The following PRKG1 variants were observed in gnomAD, a reference collection of about 807,000 sequenced individuals.
PRKG1 encodes the protein protein kinase cGMP-dependent 1.
PRKG1 carries 35 observed loss-of-function variants against 88.1 expected under a neutral mutation model. That is an observed-to-expected ratio of 0.40 (90% CI 0.30 to 0.53). PRKG1 has a LOEUF of 0.53. Among genes scored for constraint, PRKG1 ranks in the 20% least tolerant of loss-of-function variants. PRKG1 has a pLI of 0.59. For missense variants in PRKG1, 540 were observed against 839.8 expected (o/e 0.64, Z 4.41); for synonymous variants, 303 against 292.5 (o/e 1.04, Z -0.37).
At chr10:51,475,559 A>G (rs1277496292) in intron 3 of PRKG1, among the ~76,000 whole-genome samples, 1 of 152,064 alleles carries the variant, frequency 6.6e-6, no homozygotes, top group Non-Finnish European at 1.5e-5. Flanking sequence ...AGTCAGTGTT[A>G]TTATTGGCAT....
intron 4 of PRKG1, among the ~76,000 whole-genome samples, chr10:51,835,459 T>C (rs918493687): frequency 1.3e-5 from 2 of 152,234 alleles, no homozygotes; most frequent in African/African-American, 2.4e-5. Flanking sequence ...AGTTTGCTAT[T>C]AACAGTTGTA....
At chr10:51,655,619 C>T (rs1296379723) in intron 3 of PRKG1, among the ~76,000 whole-genome samples, 2 of 151,818 alleles carry the variant, frequency 1.3e-5, no homozygotes, top group Non-Finnish European at 2.9e-5. Context: ...ACTTTTAAGC[C>T]CTCTATGACT....
intron 7 of PRKG1, among the ~76,000 whole-genome samples, chr10:52,125,459 A>G (rs1847910155): frequency 2.0e-5 from 3 of 152,128 alleles, no homozygotes; most frequent in African/African-American, 7.2e-5. Flanking sequence ...ATCTGATTGC[A>G]TGCTATTTGA....
rs966888510 is a variant in PRKG1, at chr10:51,626,461, T to A, written c.592+158625T>A. 4.7e-4 allele frequency among the ~76,000 whole-genome samples: 71 copies of A among 152,344 alleles called. 1 individual carries two copies. Among genetic ancestry groups the A allele is most frequent in the African/African-American group, 1.2e-3 (48 of 41,588 alleles). On this transcript the variant is annotated intron_variant, in intron 3 of 17. Coordinates refer to ENST00000373980, the MANE Select transcript of PRKG1 (RefSeq NM_006258.4). The stretch of plus-strand genomic sequence containing the variant: ...GAAACACATTTCTATTTCATTTTTT[T>A]AAAATAATCGTTGAAAGTTATTTTT...
chr10:51,191,390 AAT>A (rs1230632446), intron 2 of PRKG1, among the ~76,000 whole-genome samples: 4 of 151,840 alleles, frequency 2.6e-5, no homozygotes, highest in Non-Finnish European at 5.9e-5. Context: ...AGAAAAGTGA[AAT>A]AGTGCTTACC....
chr10:51,369,856 A>G (rs1003527454), intron 2 of PRKG1, among the ~76,000 whole-genome samples: 1 of 152,142 alleles, frequency 6.6e-6, no homozygotes, highest in Non-Finnish European at 1.5e-5. Flanking sequence ...CCCATGAAAA[A>G]TATCCATCTA....
At chr10:51,642,730 A>T (rs1381567226) in intron 3 of PRKG1, among the ~76,000 whole-genome samples, 1 of 152,214 alleles carries the variant, frequency 6.6e-6, no homozygotes, top group Non-Finnish European at 1.5e-5. Context: ...TCTCCTAAGA[A>T]TAATTAACAA....
chr10:51,110,139 T>G (rs1477880941), intron 1 of PRKG1, among the ~76,000 whole-genome samples: 1 of 152,108 alleles, frequency 6.6e-6, no homozygotes, highest in Non-Finnish European at 1.5e-5. Flanking sequence ...TTTGACAGTT[T>G]CTTTTTTTAA....
chr10:50,991,325 C>CCA lies in PRKG1; in HGVS notation c.-54_-53insCA. Reference sequence around the variant, plus strand: ...CTGCCGTCCCAGCCGCCGCCGCCGCCGCCGCCGCCGCCGCCGCCCGAGAAA... The same window carrying CCA: ...CTGCCGTCCCAGCCGCCGCCGCCGCCCAGCCGCCGCCGCCGCCGCCCGAGAAA... On this transcript the variant is annotated 5_prime_UTR_variant, in exon 1 of 18. Coordinates refer to the PRKG1 transcript ENST00000401604. This position sits in a 1 kb window ranked among gnomAD's most constrained non-coding sequence, Gnocchi z 4.5. 1 of 1,483,792 alleles carries CCA rather than the reference C, an allele frequency of 6.7e-7. No homozygotes were observed. The highest frequency in any genetic ancestry group is 8.9e-7 in the Non-Finnish European group (1 of 1,118,708). The allele number at this position is 1,483,792 out of a possible 1,614,324, so 91.9% of individuals were successfully genotyped here.
intron 2 of PRKG1, among the ~76,000 whole-genome samples, chr10:51,419,448 T>C (rs570453034): frequency 8.3e-4 from 127 of 152,278 alleles, no homozygotes; most frequent in African/African-American, 2.9e-3. Context: ...ATTATTGCAT[T>C]TCAACATTTA....
chr10:51,627,925 CCTTT>C (rs1839385057), intron 3 of PRKG1, among the ~76,000 whole-genome samples: 3 of 37,242 alleles, frequency 8.1e-5, no homozygotes, highest in African/African-American at 1.2e-4. Context: ...TCCTTCCCTT[CCTTT>C]CTTCCTTCCT....
chr10:51,553,169 T>C (rs780451447), intron 3 of PRKG1, among the ~76,000 whole-genome samples: 10 of 151,696 alleles, frequency 6.6e-5, no homozygotes, highest in Non-Finnish European at 1.2e-4. Context: ...TGCTGAGCCC[T>C]AACTTGTTTT....
chr10:51,132,867 T>C (rs1845604448), intron 1 of PRKG1, among the ~76,000 whole-genome samples: 1 of 151,980 alleles, frequency 6.6e-6, no homozygotes, highest in Admixed American at 6.6e-5. Flanking sequence ...CTTCATTTAA[T>C]TATGCCACAT....
At chr10:51,726,348 T>C (rs1044168631) in intron 3 of PRKG1, among the ~76,000 whole-genome samples, 1 of 152,224 alleles carries the variant, frequency 6.6e-6, no homozygotes, top group African/African-American at 2.4e-5. Flanking sequence ...CAAAAGAGTG[T>C]TATCACAATG....
At chr10:51,821,709 A>T (rs1217614688) in intron 4 of PRKG1, among the ~76,000 whole-genome samples, 1 of 138,636 alleles carries the variant, frequency 7.2e-6, no homozygotes. Context: ...TATATTTAAG[A>T]CATTAAATAC....
chr10:52,204,252 T>C (rs1057137982), intron 9 of PRKG1, among the ~76,000 whole-genome samples: 11 of 151,994 alleles, frequency 7.2e-5, no homozygotes, highest in Admixed American at 7.2e-4. Context: ...CATGTGCCAC[T>C]TGCCTAGCTA....
intron 4 of PRKG1, among the ~76,000 whole-genome samples, chr10:51,821,918 G>T (rs974359441): frequency 6.6e-6 from 1 of 151,868 alleles, no homozygotes; most frequent in South Asian, 2.1e-4. Context: ...ATTAAAAATA[G>T]AACTACCATA....
intron 2 of PRKG1, among the ~76,000 whole-genome samples, chr10:51,463,207 T>A (rs548640326): frequency 7.9e-4 from 120 of 152,064 alleles, no homozygotes; most frequent in Non-Finnish European, 1.0e-3. Context: ...TGTTTTTTTT[T>A]AAAAGAAATA....
At chr10:51,728,693 A>G (rs940151193) in intron 3 of PRKG1, among the ~76,000 whole-genome samples, 2 of 152,102 alleles carry the variant, frequency 1.3e-5, no homozygotes, top group African/African-American at 2.4e-5. Flanking sequence ...AGAGTGACAA[A>G]TAAAAGGTCG....
Sources: gnomAD v4.1 joint callset for allele counts (sites outside exome capture counted in the v4.1 genomes callset) on GRCh38, gnomAD v4.1.1 for gene constraint, Gnocchi (gnomAD v3.1) non-coding constraint, MANE v1.5 for transcripts, NCBI Gene and HGNC (gene_info 2026-07-23, HGNC 2026-07-21) for gene names.